The following NALF1 variants were observed in gnomAD, a reference collection of about 807,000 sequenced individuals.
NALF1 encodes the protein NALCN channel auxiliary factor 1.
NALF1 carries 3 observed loss-of-function variants against 48.4 expected under a neutral mutation model. The ratio of observed to expected loss-of-function variants is 0.06; its 90% CI spans 0.03 to 0.16. The LOEUF (loss-of-function observed/expected upper bound fraction) is 0.16, where lower values mean the gene tolerates loss of function less well. Ranked by LOEUF, NALF1 falls within the 10% of genes least tolerant of loss-of-function variation. The pLI, the probability that NALF1 is intolerant of heterozygous loss-of-function variation, is 1.00. For synonymous variants in NALF1, 262 were observed against 245.7 expected, an observed-to-expected ratio of 1.07 and a Z score of -0.62; for missense variants, 526 against 571.5, an observed-to-expected ratio of 0.92 and a Z score of 0.81.
At chr13:107,605,453 C>T (rs751395081) in intron 1 of NALF1, among the ~76,000 whole-genome samples, 8 of 151,936 alleles carry the variant, frequency 5.3e-5, no homozygotes, top group African/African-American at 1.7e-4. Context: ...ACAGAGACGA[C>T]GACAAATTCA....
At chr13:107,570,259 T>C (rs1300363558) in intron 1 of NALF1, among the ~76,000 whole-genome samples, 1 of 152,070 alleles carries the variant, frequency 6.6e-6, no homozygotes, top group Non-Finnish European at 1.5e-5. Flanking sequence ...GACATCCTCA[T>C]GTTAATTCTG....
intron 1 of NALF1, among the ~76,000 whole-genome samples, chr13:107,782,749 CGTCTGGGAG>C (rs1353208771): frequency 6.6e-6 from 1 of 150,412 alleles, no homozygotes; most frequent in East Asian, 2.0e-4. Context: ...GTCGCGACCC[CGTCTGGGAG>C]GTGAGGAGCG....
chr13:107,536,481 C>G (rs966002424), intron 1 of NALF1, among the ~76,000 whole-genome samples: 6 of 152,150 alleles, frequency 3.9e-5, no homozygotes, highest in Non-Finnish European at 7.3e-5. Context: ...TGAAAAAATG[C>G]TCATCATCAC....
chr13:107,421,048 A>G lies in NALF1; in HGVS notation c.916-210293T>C, dbSNP rs148849443. Among the ~76,000 whole-genome samples the G allele has an allele frequency of 2.4e-3, 370 of 152,314 alleles. 1 individual carries two copies. The highest frequency in any genetic ancestry group is 8.2e-3 in the African/African-American group (340 of 41,564). Reference sequence around the variant, plus strand: ...TGGGAGTTTTGGTTGGTTTTAACTCATCAGTATATTATGCTACAGGCACTT... The same window carrying G: ...TGGGAGTTTTGGTTGGTTTTAACTCGTCAGTATATTATGCTACAGGCACTT... On this transcript the variant is annotated intron_variant, in intron 1 of 2. Transcript: ENST00000375915.
At chr13:107,335,102 T>G (rs1882532371) in intron 1 of NALF1, among the ~76,000 whole-genome samples, 1 of 152,094 alleles carries the variant, frequency 6.6e-6, no homozygotes, top group Non-Finnish European at 1.5e-5. Context: ...TTAGAGAGAA[T>G]GCCGTTCCCT....
rs555302142 is a variant in NALF1, at chr13:107,474,160, T to C, written c.916-263405A>G. Reference sequence around the variant, plus strand: ...TTTTTTCTGAAATTAAGGGACAGTATAGGATAACAACAGGCATATAAGTTA... The same window carrying C: ...TTTTTTCTGAAATTAAGGGACAGTACAGGATAACAACAGGCATATAAGTTA... On this transcript the variant is annotated intron_variant, in intron 1 of 2. Coordinates refer to ENST00000375915, the MANE Select transcript of NALF1 (RefSeq NM_001080396.3). Among the ~76,000 whole-genome samples, 26 of 152,256 alleles carry C rather than the reference T, an allele frequency of 1.7e-4. 1 individual carries two copies. The highest frequency in any genetic ancestry group is 6.0e-4 in the African/African-American group (25 of 41,548).
At chr13:107,682,830 G>C (rs1881338779) in intron 1 of NALF1, among the ~76,000 whole-genome samples, 1 of 152,148 alleles carries the variant, frequency 6.6e-6, no homozygotes, top group Non-Finnish European at 1.5e-5. Context: ...GCTCAGCCCA[G>C]GTGCAGTCGA....
At chr13:107,622,455 CA>C (rs770763547) in intron 1 of NALF1, among the ~76,000 whole-genome samples, 14 of 93,588 alleles carry the variant, frequency 1.5e-4, no homozygotes, top group Non-Finnish European at 2.9e-4. Context: ...AACAAACAAA[CA>C]AACAACAACA....
chr13:107,191,509 A>T (rs1030040184), intron 2 of NALF1, among the ~76,000 whole-genome samples: 1 of 152,166 alleles, frequency 6.6e-6, no homozygotes, highest in Non-Finnish European at 1.5e-5. Context: ...AAATTTTTAA[A>T]AAATGTAAAA....
chr13:107,528,266 A>G (rs1219495940), intron 1 of NALF1, among the ~76,000 whole-genome samples: 1 of 152,152 alleles, frequency 6.6e-6, no homozygotes, highest in Admixed American at 6.6e-5. Flanking sequence ...GTTCATGTAA[A>G]TAACAGAAAC....
At chr13:107,812,159 A>G (rs1879015115) in intron 1 of NALF1, among the ~76,000 whole-genome samples, 1 of 152,132 alleles carries the variant, frequency 6.6e-6, no homozygotes, top group Non-Finnish European at 1.5e-5. Context: ...AGCTTCATTC[A>G]TTTCACCTAG....
At chr13:107,203,341 C>T (rs1879561952) in intron 2 of NALF1, among the ~76,000 whole-genome samples, 1 of 152,172 alleles carries the variant, frequency 6.6e-6, no homozygotes, top group Admixed American at 6.5e-5. Context: ...TGTGTTATCG[C>T]CTCCTGGCTG....
intron 1 of NALF1, among the ~76,000 whole-genome samples, chr13:107,262,348 G>A (rs1284322574): frequency 6.6e-6 from 1 of 152,156 alleles, no homozygotes; most frequent in African/African-American, 2.4e-5. Context: ...CCAGGAGGCG[G>A]AGGTTGCAGT....
intron 1 of NALF1, among the ~76,000 whole-genome samples, chr13:107,353,539 C>A (rs568701988): frequency 5.9e-5 from 9 of 152,296 alleles, no homozygotes; most frequent in Non-Finnish European, 1.2e-4. Flanking sequence ...TTTAGAAGTA[C>A]ATGTGCTTCA....
intron 1 of NALF1, among the ~76,000 whole-genome samples, chr13:107,242,214 C>T (rs1352159064): frequency 3.9e-5 from 6 of 152,206 alleles, no homozygotes; most frequent in Non-Finnish European, 7.3e-5. Context: ...AAAGACCTTG[C>T]GGTTCTAAGC....
intron 1 of NALF1, among the ~76,000 whole-genome samples, chr13:107,632,643 CACA>C (rs1367061721): frequency 4.6e-5 from 7 of 152,096 alleles, no homozygotes; most frequent in Non-Finnish European, 8.8e-5. Context: ...CCTCAACAAA[CACA>C]ACAACAAAAA....
chr13:107,664,928 T>C (rs1463460610), intron 1 of NALF1, among the ~76,000 whole-genome samples: 2 of 151,670 alleles, frequency 1.3e-5, no homozygotes, highest in African/African-American at 4.8e-5. Context: ...CAACTGTTGA[T>C]CATACAAACC....
chr13:107,335,346 A>G (rs1734436054), intron 1 of NALF1, among the ~76,000 whole-genome samples: 1 of 152,082 alleles, frequency 6.6e-6, no homozygotes, highest in African/African-American at 2.4e-5. Flanking sequence ...TAAAACAACA[A>G]CTCCTGAATC....
chr13:107,386,486 C>T (rs1439352599), intron 1 of NALF1, among the ~76,000 whole-genome samples: 2 of 152,128 alleles, frequency 1.3e-5, no homozygotes, highest in African/African-American at 4.8e-5. Context: ...CTCTAGAATG[C>T]CACTGAGCTG....
Sources: gnomAD v4.1 joint callset for allele counts (sites outside exome capture counted in the v4.1 genomes callset) on GRCh38, gnomAD v4.1.1 for gene constraint, MANE v1.5 for transcripts, NCBI Gene and HGNC (gene_info 2026-07-23, HGNC 2026-07-21) for gene names.